The following CHRM3 variants were observed in gnomAD, a reference collection of about 807,000 sequenced individuals.
The protein encoded by CHRM3 is cholinergic receptor muscarinic 3, also known as muscarinic acetylcholine receptor M3.
In CHRM3, 11 loss-of-function variants were observed where a neutral mutation model predicts 41.8. That is an observed-to-expected ratio of 0.26 (90% CI 0.17 to 0.44). The LOEUF (loss-of-function observed/expected upper bound fraction) is 0.44. Among genes scored for constraint, CHRM3 ranks in the 20% least tolerant of loss-of-function variants. The probability of loss-of-function intolerance (pLI) is 1.00; values close to 1 mark genes in which losing one functional copy is unlikely to be tolerated. For missense variants in CHRM3, 571 were observed against 745.4 expected (o/e 0.77, Z 2.72); for synonymous variants, 297 against 301.4 (o/e 0.99, Z 0.15).
At chr1:239,811,458 G>A (rs1322235104) in intron 5 of CHRM3, among the ~76,000 whole-genome samples, 3 of 152,112 alleles carry the variant, frequency 2.0e-5, no homozygotes, top group African/African-American at 7.2e-5. Flanking sequence ...TTGCAGCCCA[G>A]CCCTTCCCTC....
At chr1:239,751,609 T>C (rs949973761) in intron 5 of CHRM3, among the ~76,000 whole-genome samples, 3 of 152,206 alleles carry the variant, frequency 2.0e-5, no homozygotes, top group Non-Finnish European at 4.4e-5. Flanking sequence ...ACCTCTAGGC[T>C]AACTGCTAAT....
intron 1 of CHRM3, among the ~76,000 whole-genome samples, chr1:239,445,001 C>T (rs1664019432): frequency 6.6e-6 from 1 of 152,158 alleles, no homozygotes. Context: ...ATGATGGTTT[C>T]CTTGTGTGCA....
chr1:239,578,726 G>A (rs868402634), intron 3 of CHRM3, among the ~76,000 whole-genome samples: 1 of 152,014 alleles, frequency 6.6e-6, no homozygotes, highest in Non-Finnish European at 1.5e-5. Context: ...ATGCTTGAAC[G>A]AATGTCAAAA....
chr1:239,693,090 A>G (rs979456098), intron 5 of CHRM3, among the ~76,000 whole-genome samples: 22 of 152,292 alleles, frequency 1.4e-4, no homozygotes, highest in Middle Eastern at 3.4e-3. Context: ...TGCTTCCTGC[A>G]TATTTCCTTC....
At chr1:239,438,935 T>C (rs1268854964) in intron 1 of CHRM3, among the ~76,000 whole-genome samples, 2 of 152,158 alleles carry the variant, frequency 1.3e-5, no homozygotes, top group Non-Finnish European at 2.9e-5. Context: ...TAGAAACAAA[T>C]AATATTTAAT....
intron 3 of CHRM3, among the ~76,000 whole-genome samples, chr1:239,556,222 C>T (rs1174459969): frequency 2.6e-5 from 4 of 151,976 alleles, no homozygotes; most frequent in Non-Finnish European, 1.5e-5. Flanking sequence ...GGTGGCTTTC[C>T]CAAATCAAGA....
chr1:239,427,337 C>T (rs1252073698), intron 1 of CHRM3, among the ~76,000 whole-genome samples: 4 of 152,096 alleles, frequency 2.6e-5, no homozygotes, highest in Non-Finnish European at 4.4e-5. Context: ...CAGCCATGAC[C>T]TCTCCTAGGC....
intron 1 of CHRM3, among the ~76,000 whole-genome samples, chr1:239,466,239 C>T (rs1305162567): frequency 6.6e-6 from 1 of 152,200 alleles, no homozygotes; most frequent in Non-Finnish European, 1.5e-5. Flanking sequence ...AGGTGATCCA[C>T]CTGCCTCGGC....
intron 6 of CHRM3, among the ~76,000 whole-genome samples, chr1:239,881,259 G>A (rs1267031147): frequency 9.3e-6 from 1 of 107,808 alleles, no homozygotes; most frequent in African/African-American, 3.4e-5. Context: ...CTCCAGCCTG[G>A]GCGACAGAGT....
At chr1:239,735,804 A>G (rs575896642) in intron 5 of CHRM3, among the ~76,000 whole-genome samples, 4 of 152,288 alleles carry the variant, frequency 2.6e-5, no homozygotes, top group Non-Finnish European at 5.9e-5. Context: ...TACAATTTAC[A>G]ACAACACAAA....
At chr1:239,452,695 A>G (rs964726597) in intron 1 of CHRM3, among the ~76,000 whole-genome samples, 4 of 152,256 alleles carry the variant, frequency 2.6e-5, no homozygotes, top group African/African-American at 7.2e-5. Context: ...TCTGACAGTT[A>G]TATTTAAAAA....
At chr1:239,777,201 ATC>A (rs1428740488) in intron 5 of CHRM3, among the ~76,000 whole-genome samples, 1 of 152,228 alleles carries the variant, frequency 6.6e-6, no homozygotes, top group African/African-American at 2.4e-5. Flanking sequence ...AGTGGAAGAC[ATC>A]TCTAGGAATA....
intron 5 of CHRM3, among the ~76,000 whole-genome samples, chr1:239,682,100 G>T (rs1254513990): frequency 6.6e-6 from 1 of 152,184 alleles, no homozygotes; most frequent in Admixed American, 6.5e-5. Context: ...GAATAAAAAT[G>T]GGGGCCAAAA....
chr1:239,586,693 A>T (rs1663438908), intron 3 of CHRM3, among the ~76,000 whole-genome samples: 1 of 152,050 alleles, frequency 6.6e-6, no homozygotes, highest in Non-Finnish European at 1.5e-5. Flanking sequence ...TTGTGGGGAA[A>T]TTATAATTTT....
chr1:239,761,713 T>C (rs746691773), intron 5 of CHRM3, among the ~76,000 whole-genome samples: 18 of 152,212 alleles, frequency 1.2e-4, no homozygotes, highest in Non-Finnish European at 2.6e-4. Context: ...GAACTGCATC[T>C]GGCCTGGGTG....
chr1:239,632,377 A>G (rs531926732), intron 4 of CHRM3, 91 bp downstream of exon 4: 14 of 152,232 alleles, frequency 9.2e-5, no homozygotes, highest in Non-Finnish European at 2.1e-4. Context: ...ATAAGAATGT[A>G]TAAGTTGGTG....
intron 5 of CHRM3, among the ~76,000 whole-genome samples, chr1:239,779,126 T>G (rs989672271): frequency 2.0e-5 from 3 of 152,174 alleles, no homozygotes; most frequent in African/African-American, 7.2e-5. Flanking sequence ...TTTTTATTTA[T>G]TTGTTTGTTT....
At position 239,474,453 on chromosome 1, in the gene CHRM3, T is replaced by C. The variant is rs191004743; in HGVS notation, c.-520-18256T>C. Reference sequence around the variant, plus strand: ...CATGTATATCTATATATTTTGATTATTGGTGTAGATGCGGGTATATGTGTG... The same window carrying C: ...CATGTATATCTATATATTTTGATTACTGGTGTAGATGCGGGTATATGTGTG... On this transcript the variant is annotated intron_variant, in intron 1 of 6. Coordinates refer to ENST00000676153, the MANE Select transcript of CHRM3 (RefSeq NM_001375978.1). Among the ~76,000 whole-genome samples the C allele has an allele frequency of 2.6e-5, 4 of 152,224 alleles. No individual in the cohort carries two copies. In the East Asian group the frequency reaches 7.7e-4, roughly 29 times the overall value.
chr1:239,872,559 T>C (rs1676685004), intron 6 of CHRM3, among the ~76,000 whole-genome samples: 1 of 152,162 alleles, frequency 6.6e-6, no homozygotes, highest in African/African-American at 2.4e-5. Flanking sequence ...ATCTGAGAAA[T>C]GACAGGATAC....
Sources: gnomAD v4.1 joint callset for allele counts (sites outside exome capture counted in the v4.1 genomes callset) on GRCh38, gnomAD v4.1.1 for gene constraint, MANE v1.5 for transcripts, NCBI Gene and HGNC (gene_info 2026-07-23, HGNC 2026-07-21) for gene names.